COX10: variants seen among roughly 807,000 people sequenced by gnomAD.
COX10 encodes cytochrome c oxidase assembly factor heme A:farnesyltransferase COX10.
Under a neutral mutation model 37.3 loss-of-function variants are expected in COX10, and 27 were observed. The observed-to-expected ratio is 0.72, with a 90% CI of 0.53 to 1.00. The LOEUF is 1.00. COX10 is among the 50% of genes least tolerant of loss of function. The probability of loss-of-function intolerance (pLI) is 0.00; values close to 1 mark genes in which losing one functional copy is unlikely to be tolerated. For synonymous variants in COX10, 222 were observed against 229.1 expected (o/e 0.97, Z 0.28); for missense variants, 475 against 563.2 (o/e 0.84, Z 1.59).
intron 4 of COX10, among the ~76,000 whole-genome samples, chr17:14,107,740 A>C (rs1044750159): frequency 4.6e-5 from 7 of 151,994 alleles, no homozygotes; most frequent in Non-Finnish European, 8.8e-5. Flanking sequence ...TTACTCTGCT[A>C]TTAGCAAATT....
Position 14,096,148 on chromosome 17 carries a change from G to C in COX10, c.500-5970G>C, listed in dbSNP as rs150768349. ...TCTTCCTCTTCTTATAAAGCCACCA[G>C]TCCCACTCCTATGATAGTCTATTAA... On this transcript the variant is annotated intron_variant, in intron 3 of 6. Transcript: ENST00000261643. Among the ~76,000 whole-genome samples the C allele has an allele frequency of 1.7e-3, 263 of 152,026 alleles. 1 individual carries two copies. The highest frequency in any genetic ancestry group is 6.1e-3 in the African/African-American group (255 of 41,486).
chr17:14,206,669 T>C (rs1458411377), intron 6 of COX10, 141 bp from the exon 7 acceptor site: 3 of 1,052,996 alleles, frequency 2.8e-6, no homozygotes, highest in Admixed American at 1.8e-5. Context: ...CACCCTGTGA[T>C]GTAGGCAGGC....
At chr17:14,132,416 A>G (rs1916487765) in intron 4 of COX10, among the ~76,000 whole-genome samples, 1 of 151,966 alleles carries the variant, frequency 6.6e-6, no homozygotes, top group Non-Finnish European at 1.5e-5. Context: ...GCACGAAGGT[A>G]TGATCCTTGT....
At chr17:14,112,451 A>G (rs533855434) in intron 4 of COX10, among the ~76,000 whole-genome samples, 67 of 152,214 alleles carry the variant, frequency 4.4e-4, no homozygotes, top group African/African-American at 7.9e-4. Context: ...CTTGAAAGCT[A>G]TTTTCTGGAA....
At chr17:14,156,444 G>T (rs1905041864) in intron 4 of COX10, among the ~76,000 whole-genome samples, 1 of 151,894 alleles carries the variant, frequency 6.6e-6, no homozygotes, top group Admixed American at 6.6e-5. Flanking sequence ...TATCCAGGGT[G>T]GTCTCCATCT....
intron 4 of COX10, among the ~76,000 whole-genome samples, chr17:14,116,143 ATCT>A (rs769425073): frequency 4.6e-5 from 7 of 152,166 alleles, no homozygotes; most frequent in Admixed American, 1.3e-4. Context: ...CATTAATTTC[ATCT>A]TCTTTGTCAT....
At chr17:14,172,086 T>TA (rs1905488009) in intron 5 of COX10, among the ~76,000 whole-genome samples, 2 of 152,148 alleles carry the variant, frequency 1.3e-5, no homozygotes, top group Non-Finnish European at 2.9e-5. Context: ...CTTCTCTGCC[T>TA]TCTTCCTAAC....
intron 4 of COX10, among the ~76,000 whole-genome samples, chr17:14,145,584 G>A (rs1032786506): frequency 1.3e-5 from 2 of 152,172 alleles, no homozygotes; most frequent in African/African-American, 4.8e-5. Flanking sequence ...AGAGCCTAGA[G>A]AGGTAAAAGG....
intron 4 of COX10, among the ~76,000 whole-genome samples, chr17:14,156,981 G>A (rs1597526512): frequency 2.0e-5 from 3 of 152,256 alleles, no homozygotes; most frequent in Admixed American, 1.3e-4. Context: ...GCAACTACCC[G>A]GCTCTGCTGC....
intron 3 of COX10, among the ~76,000 whole-genome samples, chr17:14,098,564 G>A (rs1159287325): frequency 6.6e-6 from 1 of 152,138 alleles, no homozygotes; most frequent in Non-Finnish European, 1.5e-5. Flanking sequence ...AAAGATGGGT[G>A]CTATTTGAGT....
At chr17:14,168,381 C>T (rs1373329527) in intron 5 of COX10, among the ~76,000 whole-genome samples, 2 of 152,196 alleles carry the variant, frequency 1.3e-5, no homozygotes, top group African/African-American at 4.8e-5. Context: ...ATAGTGCAAG[C>T]TGTCAGTGGA....
intron 3 of COX10, 64 bp from the exon 4 acceptor site, chr17:14,102,054 T>C (rs1418763595): frequency 6.2e-7 from 1 of 1,608,658 alleles, no homozygotes; most frequent in Non-Finnish European, 8.5e-7. Flanking sequence ...TTTTTTGTCG[T>C]TCTGGCCTTT....
chr17:14,203,905 C>T (rs909525645), intron 6 of COX10, among the ~76,000 whole-genome samples: 1 of 152,092 alleles, frequency 6.6e-6, no homozygotes, highest in African/African-American at 2.4e-5. Flanking sequence ...CTTTCCAGGG[C>T]AGATGACACA....
chr17:14,205,340 C>T (rs1191786564), intron 6 of COX10, among the ~76,000 whole-genome samples: 9 of 152,142 alleles, frequency 5.9e-5, no homozygotes, highest in Non-Finnish European at 1.0e-4. Context: ...GACATCCCTT[C>T]CTCAGAGAAG....
intron 4 of COX10, among the ~76,000 whole-genome samples, chr17:14,144,275 T>A (rs1478886639): frequency 6.6e-6 from 1 of 152,196 alleles, no homozygotes; most frequent in East Asian, 1.9e-4. Flanking sequence ...TTTTTGTTTG[T>A]TTGTTTTTAA....
intron 4 of COX10, among the ~76,000 whole-genome samples, chr17:14,111,640 T>A (rs879462316): frequency 6.6e-6 from 1 of 152,130 alleles, no homozygotes; most frequent in Non-Finnish European, 1.5e-5. Flanking sequence ...GAAATAAAAG[T>A]CTAATTTAAT....
intron 6 of COX10, among the ~76,000 whole-genome samples, chr17:14,193,247 T>A (rs1471533622): frequency 1.3e-5 from 2 of 152,234 alleles, no homozygotes; most frequent in Non-Finnish European, 2.9e-5. Context: ...CCACCGCTCA[T>A]GAGCTGTGCA....
intron 6 of COX10, among the ~76,000 whole-genome samples, chr17:14,203,924 G>A (rs578204996): frequency 1.3e-5 from 2 of 152,216 alleles, no homozygotes; most frequent in South Asian, 4.2e-4. Flanking sequence ...CAGAGGGTTG[G>A]TGAACTCTCA....
chr17:14,188,601 A>G (rs1340192237), intron 5 of COX10, among the ~76,000 whole-genome samples: 1 of 151,820 alleles, frequency 6.6e-6, no homozygotes, highest in East Asian at 1.9e-4. Flanking sequence ...AACCATGTCA[A>G]AGCATTCTTT....
Sources: allele counts gnomAD v4.1 joint callset (sites outside exome capture counted in the v4.1 genomes callset), GRCh38; gene constraint gnomAD v4.1.1; transcripts MANE v1.5; gene names NCBI Gene and HGNC (gene_info 2026-07-23, HGNC 2026-07-21).